Variants in PREX1 observed in about 807,000 individuals in gnomAD.
PREX1 encodes the protein phosphatidylinositol-3,4,5-trisphosphate dependent Rac exchange factor 1.
PREX1 carries 41 observed loss-of-function variants against 198.3 expected under a neutral mutation model. The observed-to-expected ratio is 0.21, with a 90% CI of 0.16 to 0.27. The LOEUF (loss-of-function observed/expected upper bound fraction) is 0.27. Ranked by LOEUF, PREX1 falls within the 10% of genes least tolerant of loss-of-function variation. The pLI is 1.00. For missense variants in PREX1, 1,620 were observed against 2,200.7 expected (o/e 0.74, Z 5.28); for synonymous variants, 843 against 887.2 (o/e 0.95, Z 0.89).
chr20:48,747,028 GCCATGCAGAGAC>G (rs2122778094), intron 2 of PREX1, among the ~76,000 whole-genome samples: 1 of 149,714 alleles, frequency 6.7e-6, no homozygotes, highest in Admixed American at 6.6e-5. Flanking sequence ...CCCAGGAGGA[GCCATGCAGAGAC>G]CTTGAGCAAG....
chr20:48,670,113 A>G (rs1246412286), intron 14 of PREX1, among the ~76,000 whole-genome samples: 1 of 152,204 alleles, frequency 6.6e-6, no homozygotes, highest in Non-Finnish European at 1.5e-5. Context: ...CACAGTAACA[A>G]TGGAGACTGC....
chr20:48,646,761 C>T (rs2122880906), intron 25 of PREX1, among the ~76,000 whole-genome samples: 1 of 152,152 alleles, frequency 6.6e-6, no homozygotes, highest in South Asian at 2.1e-4. Flanking sequence ...GCTCATCAAT[C>T]CCCACTGTAG....
chr20:48,758,363 G>A (rs976318679), intron 1 of PREX1, among the ~76,000 whole-genome samples: 4 of 152,338 alleles, frequency 2.6e-5, no homozygotes, highest in Non-Finnish European at 5.9e-5. Context: ...CCATCAGGCA[G>A]AGGAGCGCAG....
intron 1 of PREX1, among the ~76,000 whole-genome samples, chr20:48,803,353 TG>T (rs1227618089): frequency 2.0e-5 from 3 of 151,294 alleles, no homozygotes; most frequent in Non-Finnish European, 4.4e-5. Flanking sequence ...CATATGCGGG[TG>T]GGGGAGGGAG....
At chr20:48,675,416 A>G (rs1442694244) in intron 14 of PREX1, among the ~76,000 whole-genome samples, 2 of 152,258 alleles carry the variant, frequency 1.3e-5, no homozygotes, top group African/African-American at 4.8e-5. Flanking sequence ...CTAACACACA[A>G]TCAATGGAAT....
At chr20:48,785,454 C>T (rs1317817970) in intron 1 of PREX1, among the ~76,000 whole-genome samples, 3 of 152,276 alleles carry the variant, frequency 2.0e-5, no homozygotes, top group Admixed American at 1.3e-4. Flanking sequence ...ATCCATTCTG[C>T]TCAAGAAACT....
At chr20:48,788,486 G>A (rs942269952) in intron 1 of PREX1, among the ~76,000 whole-genome samples, 12 of 152,132 alleles carry the variant, frequency 7.9e-5, no homozygotes, top group African/African-American at 2.7e-4. Context: ...CCCTGATGCT[G>A]CTTGAAAGGT....
rs1555839212 is a variant in PREX1 at position 48,733,690 on chromosome 20, C to CTGTTGTTGTTGCTGTTGT, written c.519+855_519+856insACAACAGCAACAACAACA. 1.8e-4 allele frequency among the ~76,000 whole-genome samples: 13 copies of CTGTTGTTGTTGCTGTTGT among 71,102 alleles called. No individual in the cohort carries two copies. In the South Asian group the frequency reaches 6.9e-3, roughly 38 times the overall value. 46.6% of individuals were successfully genotyped at this position (71,102 alleles called of 152,430 possible). ...AAACTCCCCAGAAAAGTAAATCCCT[C>CTGTTGTTGTTGCTGTTGT]TGTTGTTGTTGTTGCTGTTGTTGTT... On this transcript the variant is annotated intron_variant, in intron 4 of 39. Coordinates refer to ENST00000371941, the MANE Select transcript of PREX1 (RefSeq NM_020820.4).
intron 1 of PREX1, among the ~76,000 whole-genome samples, chr20:48,748,896 T>C (rs2090121605): frequency 1.3e-5 from 2 of 152,156 alleles, no homozygotes. Flanking sequence ...TTTTGAAGTG[T>C]TGGTGAAAAA....
chr20:48,668,772 G>C (rs2089656557), intron 14 of PREX1, among the ~76,000 whole-genome samples: 1 of 152,208 alleles, frequency 6.6e-6, no homozygotes, highest in Non-Finnish European at 1.5e-5. Flanking sequence ...CCTGCCAGGG[G>C]TGGTGGCTAT....
At chr20:48,749,020 G>A (rs1316571203) in intron 1 of PREX1, among the ~76,000 whole-genome samples, 1 of 152,144 alleles carries the variant, frequency 6.6e-6, no homozygotes, top group Non-Finnish European at 1.5e-5. Context: ...GGCACCAGGT[G>A]GTGTGGGTAG....
chr20:48,729,761 C>T (rs78742026), intron 4 of PREX1, among the ~76,000 whole-genome samples: 4,015 of 152,308 alleles, frequency 0.026, 96 homozygotes, highest in Non-Finnish European at 0.036. Flanking sequence ...GCTTCCTGCC[C>T]GGACATTGCA....
chr20:48,654,234 C>T (rs1040834265), intron 19 of PREX1, among the ~76,000 whole-genome samples: 6 of 152,250 alleles, frequency 3.9e-5, no homozygotes, highest in Non-Finnish European at 7.3e-5. Context: ...GGAGATCCGA[C>T]GAGCTAACAC....
chr20:48,792,509 G>A (rs998428822), intron 1 of PREX1, among the ~76,000 whole-genome samples: 3 of 152,040 alleles, frequency 2.0e-5, no homozygotes, highest in Non-Finnish European at 4.4e-5. Flanking sequence ...CACCCGCGCT[G>A]TCCCAGGCTC....
rs369802527 is a variant in PREX1, at chr20:48,688,856, G to C, written c.1187-52C>G. The C allele has an allele frequency of 6.3e-4, 1,019 of 1,608,822 alleles. 4 individuals are homozygous for C. The African/African-American group carries it at 0.011, about 18-fold the overall frequency. On this transcript the variant is annotated intron_variant, in intron 9 of 39. Coordinates refer to ENST00000371941, the MANE Select transcript of PREX1 (RefSeq NM_020820.4). ...AGAGAGCACCAGGCCCAGGGCAGGG[G>C]GGGTAGGGGGAGACAAGGGGCAGGC...
intron 13 of PREX1, among the ~76,000 whole-genome samples, chr20:48,678,259 A>G (rs924912478): frequency 8.6e-5 from 13 of 152,010 alleles, no homozygotes; most frequent in African/African-American, 3.1e-4. Context: ...GCAGTAAGCC[A>G]AGATTGCGCC....
the PREX1 span, among the ~76,000 whole-genome samples, chr20:48,884,903 G>A: frequency 1.3e-5 from 2 of 152,168 alleles, no homozygotes; most frequent in African/African-American, 4.8e-5. Context: ...TTTGAGATCA[G>A]GGGTTCAAGA....
At chr20:48,659,054 C>T (rs957394155) in intron 16 of PREX1, among the ~76,000 whole-genome samples, 3 of 151,476 alleles carry the variant, frequency 2.0e-5, no homozygotes, top group African/African-American at 7.3e-5. Flanking sequence ...CATAGCAAAA[C>T]CCTGTCTTTA....
chr20:48,774,618 T>C (rs2090252421), intron 1 of PREX1, among the ~76,000 whole-genome samples: 1 of 152,248 alleles, frequency 6.6e-6, no homozygotes, highest in Non-Finnish European at 1.5e-5. Flanking sequence ...TGTCAGGCTC[T>C]GGAAACCCAG....
Sources: allele counts gnomAD v4.1 joint callset (sites outside exome capture counted in the v4.1 genomes callset), GRCh38; gene constraint gnomAD v4.1.1; transcripts MANE v1.5; gene names NCBI Gene and HGNC (gene_info 2026-07-23, HGNC 2026-07-21).